The following ZC3H14 variants were observed in gnomAD, a reference collection of about 807,000 sequenced individuals.
ZC3H14 encodes the protein zinc finger CCCH domain-containing protein 14.
In ZC3H14, 31 loss-of-function variants were observed where a neutral mutation model predicts 92.4. The observed-to-expected ratio is 0.34, with a 90% CI of 0.25 to 0.45. The LOEUF (loss-of-function observed/expected upper bound fraction) is 0.45. Among genes scored for constraint, ZC3H14 ranks in the 20% least tolerant of loss-of-function variants. The pLI is 1.00. For missense variants in ZC3H14, 781 were observed against 897.3 expected (o/e 0.87, Z 1.66); for synonymous variants, 321 against 300.9 (o/e 1.07, Z -0.69).
At chr14:88,573,212 C>T (rs61984714) in intron 6 of ZC3H14, among the ~76,000 whole-genome samples, 35,507 of 151,394 alleles carry the variant, frequency 0.23, 4,620 homozygotes, top group East Asian at 0.51. Context: ...AACCCCGTCT[C>T]TACTAAAAAT....
At chr14:88,575,700 A>G in intron 7 of ZC3H14, 140 bp from the exon 8 acceptor site, 2 of 645,806 alleles carry the variant, frequency 3.1e-6, no homozygotes, top group South Asian at 1.9e-5. Flanking sequence ...ATAAGGTTCC[A>G]GTGTAGTTGG....
In ZC3H14 at chr14:88,615,785, C is replaced by CA. The variant is rs747348618; in HGVS notation, c.*4037dup. On this transcript the variant is annotated 3_prime_UTR_variant, in exon 17 of 17. Transcript: ENST00000251038. ...TTTTTCTTCTCTGTAATTCTGGTCTCAAAGTTAATTTCTGTAGTCATCTCA... is the reference window on the plus strand; with the variant it reads ...TTTTTCTTCTCTGTAATTCTGGTCTCAAAAGTTAATTTCTGTAGTCATCTCA... The CA allele has an allele frequency of 2.5e-6, 4 of 1,602,650 alleles. No individual in the cohort carries two copies. The highest frequency in any genetic ancestry group is 3.4e-5 in the Admixed American group (2 of 58,404).
chr14:88,586,894 A>T (rs1004043544), intron 9 of ZC3H14, among the ~76,000 whole-genome samples: 2 of 152,078 alleles, frequency 1.3e-5, no homozygotes, highest in Non-Finnish European at 2.9e-5. Context: ...AGAATCCCCC[A>T]CTTTTAAATG....
At chr14:88,575,186 C>T (rs948451886) in intron 7 of ZC3H14, among the ~76,000 whole-genome samples, 1 of 152,170 alleles carries the variant, frequency 6.6e-6, no homozygotes, top group African/African-American at 2.4e-5. Context: ...GATCTGCCCT[C>T]CTCAGCTTCC....
intron 2 of ZC3H14, 95 bp downstream of exon 2, chr14:88,563,788 T>G: frequency 8.5e-7 from 1 of 1,178,904 alleles, no homozygotes; most frequent in Non-Finnish European, 1.3e-6. Flanking sequence ...CTTTGGACAT[T>G]GGGAGAGACT....
chr14:88,571,824 C>T (rs2080441435), intron 4 of ZC3H14, among the ~76,000 whole-genome samples: 1 of 152,082 alleles, frequency 6.6e-6, no homozygotes, highest in Admixed American at 6.6e-5. Context: ...ATTAGCCAGG[C>T]ATCGTGGCAC....
chr14:88,600,839 T>C (rs2084537634), intron 10 of ZC3H14, among the ~76,000 whole-genome samples: 1 of 152,114 alleles, frequency 6.6e-6, no homozygotes, highest in Non-Finnish European at 1.5e-5. Context: ...TTCCTTGGTA[T>C]GTACTGCTGA....
At chr14:88,596,351 T>G (rs1193742995) in intron 9 of ZC3H14, among the ~76,000 whole-genome samples, 23 of 152,104 alleles carry the variant, frequency 1.5e-4, no homozygotes, top group Admixed American at 1.5e-3. Flanking sequence ...AGAGCTCAGG[T>G]GATGGAGGGA....
intron 6 of ZC3H14, chr14:88,574,308 T>A: frequency 4.5e-6 from 1 of 223,660 alleles, no homozygotes; most frequent in Non-Finnish European, 8.9e-6. Flanking sequence ...TGCAGTGGCA[T>A]GATCTTGGCT....
In ZC3H14 at chr14:88,594,971, C is replaced by G. The variant is rs1410862209; in HGVS notation, c.1280-1763C>G. 3 of 1,613,878 alleles carry G rather than the reference C, an allele frequency of 1.9e-6. No homozygotes were observed. In the Admixed American group the frequency reaches 5.0e-5, roughly 27 times the overall value. ...GTGTCCAAGAATGAAGCAAAAATTT[C>G]ATCTTTGGAGGTTAAAATGAATGAA... On this transcript the variant is annotated intron_variant, in intron 9 of 16. Coordinates refer to ENST00000251038, the MANE Select transcript of ZC3H14 (RefSeq NM_024824.5).
intron 9 of ZC3H14, chr14:88,595,086 C>A: frequency 6.2e-7 from 1 of 1,612,032 alleles, no homozygotes; most frequent in South Asian, 1.1e-5. Context: ...TAAAAATAAT[C>A]GGCTTCCTTA....
chr14:88,587,766 C>T (rs997876694), intron 9 of ZC3H14, among the ~76,000 whole-genome samples: 51 of 151,906 alleles, frequency 3.4e-4, no homozygotes, highest in African/African-American at 1.2e-3. Context: ...GGCAACATAG[C>T]GAGACCCTCA....
intron 6 of ZC3H14, 124 bp downstream of exon 6, chr14:88,573,131 A>G (rs933448093): frequency 3.4e-6 from 4 of 1,173,942 alleles, no homozygotes; most frequent in Non-Finnish European, 4.9e-6. Flanking sequence ...CTGTAATCCC[A>G]GGACTTTGGG....
intron 3 of ZC3H14, among the ~76,000 whole-genome samples, chr14:88,569,966 T>G (rs1328258384): frequency 6.6e-6 from 1 of 152,204 alleles, no homozygotes; most frequent in Non-Finnish European, 1.5e-5. Flanking sequence ...AAAAAAAGAC[T>G]GTGGGTCTTT....
At chr14:88,596,185 CAT>C (rs1269285072) in intron 9 of ZC3H14, among the ~76,000 whole-genome samples, 2 of 152,174 alleles carry the variant, frequency 1.3e-5, no homozygotes, top group Non-Finnish European at 2.9e-5. Context: ...GCTTTGCTAA[CAT>C]AGGGTGTGGA....
chr14:88,577,519 T>C (rs919050283), intron 8 of ZC3H14, among the ~76,000 whole-genome samples: 22 of 152,118 alleles, frequency 1.4e-4, no homozygotes, highest in African/African-American at 4.8e-4. Flanking sequence ...TAAGAAAAAA[T>C]GAATGGTATC....
Position 88,572,466 on chromosome 14 carries a change from AAGGG to A in ZC3H14, c.432-109_432-106del. ...AAAGCAGTTTTGAATGGAATATGTA[AAGGG>A]AGTATCCTCAGTTTTTTCATTGAAA... On this transcript the variant is annotated intron_variant, in intron 5 of 16. Transcript: ENST00000251038. The A allele has an allele frequency of 2.2e-6, 3 of 1,361,190 alleles. No homozygotes were observed. In the Admixed American group the frequency reaches 5.8e-5, roughly 26 times the overall value. The allele number at this position is 1,361,190 out of a possible 1,614,324, so 84.3% of individuals were successfully genotyped here.
intron 9 of ZC3H14, chr14:88,595,139 A>T: frequency 6.2e-7 from 1 of 1,602,052 alleles, no homozygotes; most frequent in East Asian, 2.2e-5. Context: ...GATATGTTCT[A>T]GGTACCCATC....
intron 5 of ZC3H14, 47 bp downstream of exon 5, chr14:88,572,272 G>T (rs1224169637): frequency 6.3e-7 from 1 of 1,591,454 alleles, no homozygotes; most frequent in Non-Finnish European, 8.6e-7. Flanking sequence ...CTCTGTGTAT[G>T]TGACATTTAT....
Sources: gnomAD v4.1 joint callset for allele counts (sites outside exome capture counted in the v4.1 genomes callset) on GRCh38, gnomAD v4.1.1 for gene constraint, MANE v1.5 for transcripts, NCBI Gene and HGNC (gene_info 2026-07-23, HGNC 2026-07-21) for gene names.